Variants in PSMA8 observed in about 807,000 individuals in gnomAD.
The protein encoded by PSMA8 is proteasome 20S subunit alpha 8.
PSMA8 carries 18 observed loss-of-function variants against 32.4 expected under a neutral mutation model. That is an observed-to-expected ratio of 0.56 (90% CI 0.38 to 0.82). The LOEUF is 0.82. Ranked by LOEUF, PSMA8 falls within the 40% of genes least tolerant of loss-of-function variation. PSMA8 has a pLI of 0.00. For synonymous variants in PSMA8, 104 were observed against 98.1 expected, an observed-to-expected ratio of 1.06 and a Z score of -0.36; for missense variants, 298 against 300.7, an observed-to-expected ratio of 0.99 and a Z score of 0.07.
At chr18:26,151,764 G>T in intron 2 of PSMA8, 94 bp from the exon 3 acceptor site, 1 of 1,188,524 alleles carries the variant, frequency 8.4e-7, no homozygotes. Flanking sequence ...GGATAAGAAA[G>T]ATTTCATTGT....
intron 4 of PSMA8, among the ~76,000 whole-genome samples, chr18:26,163,928 A>AAGG (rs1327520830): frequency 2.6e-5 from 4 of 152,222 alleles, no homozygotes; most frequent in Non-Finnish European, 5.9e-5. Context: ...GGGCCAGGGA[A>AAGG]AGGTTGGGAA....
chr18:26,170,990 T>A, intron 4 of PSMA8: 1 of 1,555,850 alleles, frequency 6.4e-7, no homozygotes, highest in Non-Finnish European at 8.6e-7. Flanking sequence ...GTTCAGTAAG[T>A]TTTAAGGCAT....
chr18:26,158,525 T>G (rs1282133856), intron 4 of PSMA8, among the ~76,000 whole-genome samples: 2 of 152,158 alleles, frequency 1.3e-5, no homozygotes, highest in African/African-American at 4.8e-5. Context: ...TATTCCAAAT[T>G]AATATTGTAC....
chr18:26,140,128 T>C, intron 1 of PSMA8: 1 of 703,050 alleles, frequency 1.4e-6, no homozygotes, highest in Non-Finnish European at 2.6e-6. Flanking sequence ...CTCTTCAGAT[T>C]AGCTTCAGCA....
At chr18:26,182,125 T>C (rs2055317051) in intron 6 of PSMA8, among the ~76,000 whole-genome samples, 1 of 151,864 alleles carries the variant, frequency 6.6e-6, no homozygotes, top group South Asian at 2.1e-4. Context: ...GTTCATGAGG[T>C]TTAAGGAAAG....
At chr18:26,140,016 C>A in intron 1 of PSMA8, 1 of 702,462 alleles carries the variant, frequency 1.4e-6, no homozygotes, top group South Asian at 1.5e-5. Context: ...ATTCATAGAT[C>A]TCCATACTTT....
At chr18:26,149,329 T>G (rs2055027374) in intron 2 of PSMA8, among the ~76,000 whole-genome samples, 1 of 152,136 alleles carries the variant, frequency 6.6e-6, no homozygotes, top group South Asian at 2.1e-4. Flanking sequence ...TGGAAAGACA[T>G]CCCGCATTCA....
chr18:26,135,854 G>A (rs1293440227), intron 1 of PSMA8, among the ~76,000 whole-genome samples: 1 of 152,200 alleles, frequency 6.6e-6, no homozygotes, highest in African/African-American at 2.4e-5. Context: ...AGATACATTG[G>A]AAGAATGAGA....
In PSMA8 at chr18:26,134,056, G is replaced by A; in HGVS notation, c.91G>A (p.Gly31Arg). 2.5e-6 allele frequency: 4 copies of A among 1,612,908 alleles called. No individual in the cohort carries two copies. The East Asian group carries it at 8.9e-5, about 36-fold the overall frequency. ...VEYAQEAVKK[G>R]STAVGIRGTN... ...ATATGCCCAGGAAGCGGTGAAGAAA[G>A]GATCCACCGCGGTGAGGAAGCAACT... Residue 31 changes from glycine (G) to arginine (R), a missense_variant, in exon 1 of 7, where the codon GGA becomes AGA. Transcript: ENST00000415576.
At chr18:26,142,443 T>C (rs1012006636) in intron 1 of PSMA8, among the ~76,000 whole-genome samples, 1 of 152,132 alleles carries the variant, frequency 6.6e-6, no homozygotes, top group African/African-American at 2.4e-5. Context: ...GAACCAAAAT[T>C]CTAAACTTTC....
chr18:26,186,671 A>G (rs932710115), intron 6 of PSMA8, among the ~76,000 whole-genome samples: 4 of 152,232 alleles, frequency 2.6e-5, no homozygotes, highest in African/African-American at 9.6e-5. Flanking sequence ...TATGTGCTGA[A>G]ATTTTAACAC....
chr18:26,154,329 G>T lies in PSMA8; in HGVS notation c.354+2347G>T, dbSNP rs1041041789. Among the ~76,000 whole-genome samples the T allele has an allele frequency of 2.6e-5, 4 of 152,210 alleles. No individual in the cohort carries two copies. In the East Asian group the frequency reaches 7.7e-4, roughly 29 times the overall value. ...GATTTCTTGAAATTTGTTAATGCAGGTTGCAAGGAAGTCCAACATTACATT... is the reference window on the plus strand; with the variant it reads ...GATTTCTTGAAATTTGTTAATGCAGTTTGCAAGGAAGTCCAACATTACATT... On this transcript the variant is annotated intron_variant, in intron 3 of 6. Transcript: ENST00000415576.
intron 3 of PSMA8, among the ~76,000 whole-genome samples, chr18:26,157,118 A>G (rs1477268842): frequency 1.3e-5 from 2 of 151,836 alleles, no homozygotes; most frequent in Non-Finnish European, 2.9e-5. Context: ...AAATACATAT[A>G]ATAAAATTGG....
intron 1 of PSMA8, among the ~76,000 whole-genome samples, chr18:26,135,871 T>G (rs2054907638): frequency 1.3e-5 from 2 of 152,200 alleles, no homozygotes; most frequent in African/African-American, 2.4e-5. Flanking sequence ...GAGACACTTT[T>G]GTCTCAGAAT....
At position 26,190,845 on chromosome 18, in the gene PSMA8, A is replaced by G. The variant is rs115743465; in HGVS notation, c.661-1474A>G. Reference sequence around the variant, plus strand: ...TCACTTTATTCAGGTTTGTATTGTAATGATCTATTTATATGCCAGTTTTTT... The same window carrying G: ...TCACTTTATTCAGGTTTGTATTGTAGTGATCTATTTATATGCCAGTTTTTT... On this transcript the variant is annotated intron_variant, in intron 6 of 6. Coordinates refer to ENST00000415576, the MANE Select transcript of PSMA8 (RefSeq NM_001025096.2). Among the ~76,000 whole-genome samples, 666 of 152,338 alleles carry G rather than the reference A, an allele frequency of 4.4e-3. 6 individuals are homozygous for G. Among genetic ancestry groups the G allele is most frequent in the African/African-American group, 0.015 (640 of 41,584 alleles).
At chr18:26,165,406 G>A (rs1036459263) in intron 4 of PSMA8, among the ~76,000 whole-genome samples, 4 of 152,190 alleles carry the variant, frequency 2.6e-5, no homozygotes, top group African/African-American at 9.7e-5. Context: ...TGCGGTGTTA[G>A]TTGTTCGTTG....
Position 26,171,143 on chromosome 18 carries a change from C to T in PSMA8, c.478-7687C>T, listed in dbSNP as rs1215708334. The T allele has an allele frequency of 3.8e-6, 6 of 1,559,320 alleles. 2 individuals carry two copies. The East Asian group carries it at 9.6e-5, about 25-fold the overall frequency. Reference sequence around the variant, plus strand: ...TCTTCTTACCCATAATCACCAGATTCTGTTTACCTTCTACTGAAGAGGTTG... The same window carrying T: ...TCTTCTTACCCATAATCACCAGATTTTGTTTACCTTCTACTGAAGAGGTTG... On this transcript the variant is annotated intron_variant, in intron 4 of 6. Transcript: ENST00000415576.
intron 4 of PSMA8, among the ~76,000 whole-genome samples, chr18:26,165,667 A>T (rs1414721077): frequency 6.6e-6 from 1 of 150,506 alleles, no homozygotes; most frequent in Non-Finnish European, 1.5e-5. Context: ...CACTGGGGAT[A>T]GCAGTGATAA....
At chr18:26,160,231 A>G (rs539118235) in intron 4 of PSMA8, among the ~76,000 whole-genome samples, 2 of 152,306 alleles carry the variant, frequency 1.3e-5, no homozygotes, top group South Asian at 4.1e-4. Context: ...CTTCAGCCCA[A>G]GAGTTTGAAG....
Sources: gnomAD v4.1 joint callset for allele counts (sites outside exome capture counted in the v4.1 genomes callset) on GRCh38, gnomAD v4.1.1 for gene constraint, MANE v1.5 for transcripts, NCBI Gene and HGNC (gene_info 2026-07-23, HGNC 2026-07-21) for gene names.